The following MSH4 variants were observed in gnomAD, a reference collection of about 807,000 sequenced individuals.
MSH4 encodes mutS homolog 4.
MSH4 carries 106 observed loss-of-function variants against 113.7 expected under a neutral mutation model. The ratio of observed to expected loss-of-function variants is 0.93; its 90% CI spans 0.80 to 1.10. The LOEUF is 1.10. Among genes scored for constraint, MSH4 ranks in the 50% least tolerant of loss-of-function variants. The probability of loss-of-function intolerance (pLI) is 0.00; values close to 1 mark genes in which losing one functional copy is unlikely to be tolerated. For missense variants in MSH4, 1,061 were observed against 1,093.7 expected (o/e 0.97, Z 0.42); for synonymous variants, 368 against 380.2 (o/e 0.97, Z 0.37).
At chr1:75,818,475 A>G (rs889863794) in intron 6 of MSH4, among the ~76,000 whole-genome samples, 1 of 152,210 alleles carries the variant, frequency 6.6e-6, no homozygotes, top group Non-Finnish European at 1.5e-5. Context: ...TTGTAAAATG[A>G]TGTGGCCAAT....
At chr1:75,910,720 T>C (rs1461256924) in intron 19 of MSH4, among the ~76,000 whole-genome samples, 1 of 152,178 alleles carries the variant, frequency 6.6e-6, no homozygotes, top group Non-Finnish European at 1.5e-5. Context: ...TCTGAATCTA[T>C]ATATTTTTCT....
In MSH4 at chr1:75,889,371, T is replaced by C; in HGVS notation, c.2226+2T>C. ...ACATTTATGAAAGAAATGAAAGAGG[T>C]ACCCAAACAAAACTTTTCTTATGTT... On this transcript the variant is annotated splice_donor_variant, in intron 16 of 19. Transcript: ENST00000263187. LOFTEE classifies it high-confidence loss of function. 1 of 1,330,592 alleles carries C rather than the reference T, an allele frequency of 7.5e-7. No individual in the cohort carries two copies. The highest frequency in any genetic ancestry group is 1.1e-6 in the Non-Finnish European group (1 of 952,084). The allele number at this position is 1,330,592 out of a possible 1,614,324, so 82.4% of individuals were successfully genotyped here. A position where few individuals can be genotyped will look rare whatever the true frequency, so the allele number is the denominator to read the frequency against.
At chr1:75,830,337 A>C (rs1166726985) in intron 7 of MSH4, among the ~76,000 whole-genome samples, 1 of 152,224 alleles carries the variant, frequency 6.6e-6, no homozygotes, top group Non-Finnish European at 1.5e-5. Flanking sequence ...AGTGACGGGG[A>C]GAATGGAACC....
chr1:75,810,932 C>G, intron 4 of MSH4, 125 bp downstream of exon 4: 1 of 439,044 alleles, frequency 2.3e-6, no homozygotes, highest in South Asian at 4.7e-5. Context: ...AGTGAAAGGG[C>G]GTGATCTCGG....
intron 17 of MSH4, 90 bp from the exon 18 acceptor site, chr1:75,897,817 T>A: frequency 1.2e-6 from 1 of 838,414 alleles, no homozygotes; most frequent in South Asian, 4.4e-5. Context: ...CTTAGAAAAT[T>A]AAACTAAAAT....
chr1:75,853,496 T>G (rs1298832607), intron 8 of MSH4, among the ~76,000 whole-genome samples: 2 of 152,192 alleles, frequency 1.3e-5, no homozygotes, highest in Non-Finnish European at 2.9e-5. Flanking sequence ...ATGATAAGTT[T>G]GTATACTTGG....
At position 75,912,914 on chromosome 1, in the gene MSH4, T is replaced by G. The variant is rs1652821336; in HGVS notation, c.*27T>G. ...CACAATTCTAATGTAATAATATATC[T>G]TAATTCAAGGAACCTAGAATTTATT... On this transcript the variant is annotated 3_prime_UTR_variant, in exon 20 of 20. Coordinates refer to ENST00000263187, the MANE Select transcript of MSH4 (RefSeq NM_002440.4). 7.5e-7 allele frequency: 1 copy of G among 1,339,088 alleles called. No individual in the cohort carries two copies. Among genetic ancestry groups the G allele is most frequent in the Non-Finnish European group, 9.9e-7 (1 of 1,012,464 alleles). 83.0% of individuals were successfully genotyped at this position (1,339,088 alleles called of 1,614,324 possible). A position where few individuals can be genotyped will look rare whatever the true frequency, so the allele number is the denominator to read the frequency against.
At position 75,842,477 on chromosome 1, in the gene MSH4, C is replaced by G. The variant is rs1380225559; in HGVS notation, c.1163-5732C>G. On this transcript the variant is annotated intron_variant, in intron 7 of 19. Coordinates refer to ENST00000263187, the MANE Select transcript of MSH4 (RefSeq NM_002440.4). The stretch of plus-strand genomic sequence containing the variant: ...AAATATAAAACAAGAATAGTTATAC[C>G]AGATATAGATCTTAGATATGATTAT... 1.3e-5 allele frequency among the ~76,000 whole-genome samples: 2 copies of G among 152,134 alleles called. 1 individual carries two copies. The highest frequency in any genetic ancestry group is 4.8e-5 in the African/African-American group (2 of 41,432).
intron 8 of MSH4, among the ~76,000 whole-genome samples, chr1:75,859,746 G>A (rs189473729): frequency 6.6e-6 from 1 of 152,286 alleles, no homozygotes; most frequent in East Asian, 1.9e-4. Flanking sequence ...TGTTTATTTG[G>A]GGTGGAGAGT....
chr1:75,912,656 T>TTG, intron 19 of MSH4, 40 bp from the exon 20 acceptor site: 4 of 1,170,328 alleles, frequency 3.4e-6, no homozygotes, highest in Non-Finnish European at 4.5e-6. Flanking sequence ...ATTATGGTAT[T>TTG]TGTGTATATA....
At chr1:75,822,361 C>G in intron 6 of MSH4, 48 bp from the exon 7 acceptor site, 1 of 1,084,916 alleles carries the variant, frequency 9.2e-7, no homozygotes, top group Non-Finnish European at 1.3e-6. Flanking sequence ...ATGAAATTTT[C>G]TTGCGTTTTT....
Position 75,898,039 on chromosome 1 carries a change from A to G in MSH4, c.2488A>G (p.Thr830Ala), listed in dbSNP as rs781501357. The G allele has an allele frequency of 3.8e-6, 6 of 1,599,918 alleles. No individual in the cohort carries two copies. The highest frequency in any genetic ancestry group is 1.1e-5 in the South Asian group (1 of 87,424). Residue 830 changes from threonine to alanine, a missense_variant, in exon 18 of 20, where the codon ACC becomes GCC. Coordinates refer to ENST00000263187, the MANE Select transcript of MSH4 (RefSeq NM_002440.4). ...TSRNKEAILYTYKLSKGLTEE... is the reference protein window; with the variant it reads ...TSRNKEAILYAYKLSKGLTEE... ...AAGAAATAAAGAAGCAATTTTGTAT[A>G]CCTACAAACTTTCTAAGGGACTCAC...
intron 19 of MSH4, among the ~76,000 whole-genome samples, chr1:75,909,513 T>C (rs989102943): frequency 6.6e-6 from 1 of 151,768 alleles, no homozygotes; most frequent in African/African-American, 2.4e-5. Flanking sequence ...GGGATACACG[T>C]GCAGAACGTG....
At chr1:75,865,905 A>G (rs1193613564) in intron 8 of MSH4, among the ~76,000 whole-genome samples, 1 of 152,096 alleles carries the variant, frequency 6.6e-6, no homozygotes, top group East Asian at 1.9e-4. Context: ...TTTTCTTCCC[A>G]TATGGATTCA....
At chr1:75,858,005 G>A (rs933219845) in intron 8 of MSH4, among the ~76,000 whole-genome samples, 2 of 152,108 alleles carry the variant, frequency 1.3e-5, no homozygotes, top group Non-Finnish European at 2.9e-5. Flanking sequence ...TGGATTCCTA[G>A]GTATTTTATT....
At chr1:75,813,780 G>A (rs1200226874) in intron 4 of MSH4, among the ~76,000 whole-genome samples, 1 of 152,064 alleles carries the variant, frequency 6.6e-6, no homozygotes, top group East Asian at 1.9e-4. Context: ...GGAGGCCAGG[G>A]TGGGAGGATC....
chr1:75,871,625 C>A (rs1382562141), intron 9 of MSH4, among the ~76,000 whole-genome samples: 1 of 152,138 alleles, frequency 6.6e-6, no homozygotes, highest in Admixed American at 6.5e-5. Flanking sequence ...ATGAGACAGA[C>A]AACTTATTAA....
At chr1:75,842,907 G>A (rs191628108) in intron 7 of MSH4, among the ~76,000 whole-genome samples, 11 of 152,244 alleles carry the variant, frequency 7.2e-5, no homozygotes, top group Admixed American at 1.3e-4. Context: ...ACAGTTATCC[G>A]GAGGCCTAAC....
At chr1:75,897,133 G>A (rs925658768) in intron 17 of MSH4, among the ~76,000 whole-genome samples, 1 of 152,156 alleles carries the variant, frequency 6.6e-6, no homozygotes, top group East Asian at 1.9e-4. Flanking sequence ...ATCTCTATCT[G>A]CCTTAGTAAA....
Sources: gnomAD v4.1 joint callset for allele counts (sites outside exome capture counted in the v4.1 genomes callset) on GRCh38, gnomAD v4.1.1 for gene constraint, MANE v1.5 for transcripts, NCBI Gene and HGNC (gene_info 2026-07-23, HGNC 2026-07-21) for gene names.